The following EPHA6 variants were observed in gnomAD, a reference collection of about 807,000 sequenced individuals.
EPHA6 encodes ephrin type-A receptor 6.
In EPHA6, 50 loss-of-function variants were observed where a neutral mutation model predicts 112.0. The ratio of observed to expected loss-of-function variants is 0.45; its 90% CI spans 0.36 to 0.56. The LOEUF is 0.56. Ranked by LOEUF, EPHA6 falls within the 20% of genes least tolerant of loss-of-function variation. EPHA6 has a pLI of 0.00. For missense variants in EPHA6, 1,280 were observed against 1,417.4 expected, an observed-to-expected ratio of 0.90 and a Z score of 1.56; for synonymous variants, 529 against 490.7, an observed-to-expected ratio of 1.08 and a Z score of -1.03.
At chr3:96,960,935 A>G (rs2107750591) in intron 2 of EPHA6, among the ~76,000 whole-genome samples, 1 of 152,276 alleles carries the variant, frequency 6.6e-6, no homozygotes, top group Non-Finnish European at 1.5e-5. Flanking sequence ...CTTGAGATCC[A>G]TTCCCAAGCA....
At chr3:97,352,969 C>T (rs1483785044) in intron 5 of EPHA6, among the ~76,000 whole-genome samples, 1 of 152,046 alleles carries the variant, frequency 6.6e-6, no homozygotes, top group Non-Finnish European at 1.5e-5. Context: ...TATCCTAAGG[C>T]AAAATAGGGC....
chr3:97,683,978 A>G (rs1216316837), intron 14 of EPHA6, among the ~76,000 whole-genome samples: 6 of 152,152 alleles, frequency 3.9e-5, no homozygotes, highest in African/African-American at 1.2e-4. Context: ...ATATGGCTGT[A>G]TGGAATAGGG....
chr3:96,885,414 G>A (rs867852419), intron 2 of EPHA6, among the ~76,000 whole-genome samples: 10 of 151,984 alleles, frequency 6.6e-5, no homozygotes, highest in Non-Finnish European at 1.3e-4. Flanking sequence ...GCTTGTTATT[G>A]GTCTGTTTGT....
Position 97,224,955 on chromosome 3 carries a change from T to A in EPHA6, c.1115-1309T>A, listed in dbSNP as rs560168914. ...TTTTTGCTTTTTTGGGTTTTTTTGT[T>A]TGTTTGTTTGTTTGTTTTGAGACGG... is the stretch of plus-strand genomic sequence containing the variant. On this transcript the variant is annotated intron_variant, in intron 3 of 17. Coordinates refer to ENST00000389672, the MANE Select transcript of EPHA6 (RefSeq NM_001080448.3). Among the ~76,000 whole-genome samples the A allele has an allele frequency of 1.7e-3, 256 of 152,198 alleles. 1 individual carries two copies. Among genetic ancestry groups the A allele is most frequent in the African/African-American group, 5.8e-3 (243 of 41,542 alleles).
chr3:97,264,255 T>C (rs1023524202), intron 5 of EPHA6, among the ~76,000 whole-genome samples: 1 of 152,214 alleles, frequency 6.6e-6, no homozygotes, highest in African/African-American at 2.4e-5. Context: ...CTGGATCCCA[T>C]GCCTCCAAGG....
intron 10 of EPHA6, among the ~76,000 whole-genome samples, chr3:97,488,326 C>A (rs2091750096): frequency 6.6e-6 from 1 of 152,122 alleles, no homozygotes; most frequent in South Asian, 2.1e-4. Flanking sequence ...GGTTTCTCAG[C>A]AGTTATCTGC....
At chr3:97,614,117 G>A (rs757793138) in intron 13 of EPHA6, among the ~76,000 whole-genome samples, 20 of 151,470 alleles carry the variant, frequency 1.3e-4, no homozygotes, top group Non-Finnish European at 2.5e-4. Context: ...TTTGTTTTTT[G>A]TTTTTATTAT....
intron 3 of EPHA6, among the ~76,000 whole-genome samples, chr3:97,200,273 G>A (rs191008273): frequency 2.0e-4 from 31 of 152,070 alleles, no homozygotes; most frequent in African/African-American, 7.5e-4. Context: ...CTCCTTCCTG[G>A]GTCAGTGCTG....
At chr3:97,140,484 G>A (rs778573384) in intron 3 of EPHA6, among the ~76,000 whole-genome samples, 2 of 152,158 alleles carry the variant, frequency 1.3e-5, no homozygotes, top group African/African-American at 4.8e-5. Context: ...AACAGCAGAC[G>A]TCTCAGGAGA....
intron 11 of EPHA6, among the ~76,000 whole-genome samples, chr3:97,555,699 G>A (rs964218885): frequency 6.6e-6 from 1 of 152,062 alleles, no homozygotes; most frequent in Admixed American, 6.6e-5. Flanking sequence ...ATTTTTTCAT[G>A]TGTTTTTTGG....
chr3:97,425,189 C>T (rs1437719796), intron 6 of EPHA6, among the ~76,000 whole-genome samples: 1 of 150,710 alleles, frequency 6.6e-6, no homozygotes, highest in Non-Finnish European at 1.5e-5. Context: ...GACAGCGGCC[C>T]TCTTCTCACA....
chr3:97,241,180 A>T (rs1159740983), intron 4 of EPHA6, among the ~76,000 whole-genome samples: 1 of 118,678 alleles, frequency 8.4e-6, no homozygotes, highest in Admixed American at 1.1e-4. Flanking sequence ...TTTTCTAGTT[A>T]AAAAAAAAAA....
At chr3:97,426,741 C>A (rs987153489) in intron 6 of EPHA6, among the ~76,000 whole-genome samples, 1 of 152,096 alleles carries the variant, frequency 6.6e-6, no homozygotes, top group Non-Finnish European at 1.5e-5. Flanking sequence ...AAGAAACTAT[C>A]AACAGAGTAA....
chr3:97,501,150 G>A (rs188190530), intron 10 of EPHA6, among the ~76,000 whole-genome samples: 278 of 152,250 alleles, frequency 1.8e-3, no homozygotes, highest in Non-Finnish European at 3.4e-3. Flanking sequence ...TGAGAAATCT[G>A]CCAATAAGGC....
chr3:97,452,103 G>A (rs578247876), intron 7 of EPHA6, among the ~76,000 whole-genome samples: 1 of 151,822 alleles, frequency 6.6e-6, no homozygotes, highest in Middle Eastern at 3.4e-3. Context: ...TTCTTGACTG[G>A]CTACTTGTGC....
chr3:97,700,154 T>C (rs1414235523), intron 14 of EPHA6, among the ~76,000 whole-genome samples: 1 of 152,164 alleles, frequency 6.6e-6, no homozygotes, highest in Non-Finnish European at 1.5e-5. Context: ...CTTCTCCAAA[T>C]GAGCTGTATG....
chr3:96,840,388 T>G (rs2034667762), intron 1 of EPHA6, among the ~76,000 whole-genome samples: 1 of 152,116 alleles, frequency 6.6e-6, no homozygotes, highest in Non-Finnish European at 1.5e-5. Context: ...TTCTATGAAG[T>G]CAAGAGAGAT....
chr3:97,691,405 G>A (rs1177800538), intron 14 of EPHA6, among the ~76,000 whole-genome samples: 1 of 152,106 alleles, frequency 6.6e-6, no homozygotes, highest in African/African-American at 2.4e-5. Flanking sequence ...TTTAAAGATT[G>A]TTTCAGCTGT....
intron 5 of EPHA6, among the ~76,000 whole-genome samples, chr3:97,352,058 A>G (rs1317280709): frequency 6.6e-6 from 1 of 152,198 alleles, no homozygotes; most frequent in Non-Finnish European, 1.5e-5. Context: ...TAAGACAATG[A>G]TCTGGATAGA....
Sources: gnomAD v4.1 joint callset for allele counts (sites outside exome capture counted in the v4.1 genomes callset) on GRCh38, gnomAD v4.1.1 for gene constraint, MANE v1.5 for transcripts, NCBI Gene and HGNC (gene_info 2026-07-23, HGNC 2026-07-21) for gene names.